The following SLC9A5 variants were observed in gnomAD, a reference collection of about 807,000 sequenced individuals.
SLC9A5 encodes the protein sodium/hydrogen exchanger 5.
A neutral mutation model predicts 91.7 loss-of-function variants in SLC9A5; 52 were observed. That is an observed-to-expected ratio of 0.57 (90% CI 0.45 to 0.71). The LOEUF (loss-of-function observed/expected upper bound fraction) is 0.71, where lower values mean the gene tolerates loss of function less well. SLC9A5 is among the 30% of genes least tolerant of loss of function. The pLI, the probability that SLC9A5 is intolerant of heterozygous loss-of-function variation, is 0.00. For missense variants in SLC9A5, 871 were observed against 1,158.9 expected, an observed-to-expected ratio of 0.75 and a Z score of 3.61; for synonymous variants, 419 against 474.5, an observed-to-expected ratio of 0.88 and a Z score of 1.52.
chr16:67,252,951 C>A lies in SLC9A5; in HGVS notation c.490+107C>A. ...TGAGCCATGCCCTGAAAGCTCCATC[C>A]TAGGTCCCTCCCTCTGGAGTGCAAG... On this transcript the variant is annotated intron_variant, in intron 2 of 15. Transcript: ENST00000299798. This position sits in a 1 kb window ranked among gnomAD's most constrained non-coding sequence, Gnocchi z 4.0. 9.6e-7 allele frequency: 1 copy of A among 1,040,090 alleles called. No individual in the cohort carries two copies. Among genetic ancestry groups the A allele is most frequent in the Admixed American group, 2.6e-5 (1 of 38,402 alleles). The allele number at this position is 1,040,090 out of a possible 1,614,324, so 64.4% of individuals were successfully genotyped here.
intron 1 of SLC9A5, among the ~76,000 whole-genome samples, chr16:67,251,346 A>G (rs942222028): frequency 2.6e-5 from 4 of 151,246 alleles, no homozygotes; most frequent in Non-Finnish European, 5.9e-5. Context: ...TATAATAGGT[A>G]ACATTTATTG....
In SLC9A5 at chr16:67,256,394, C is replaced by T; in HGVS notation, c.912-75C>T. The T allele has an allele frequency of 3.0e-6, 3 of 996,052 alleles. No individual in the cohort carries two copies. In the South Asian group the frequency reaches 3.9e-5, roughly 13 times the overall value. The allele number at this position is 996,052 out of a possible 1,614,324, so 61.7% of individuals were successfully genotyped here. On this transcript the variant is annotated intron_variant, in intron 5 of 15. Coordinates refer to ENST00000299798, the MANE Select transcript of SLC9A5 (RefSeq NM_004594.3). The surrounding 1 kb of genome is among the most constrained non-coding windows in gnomAD (Gnocchi z 4.1). ...CTGTAATGGGCAATGCCCCCTCCTG[C>T]AGTATGCTCAAACCCTGGAGGCTGA...
At chr16:67,250,348 C>T (rs1567404225) in intron 1 of SLC9A5, among the ~76,000 whole-genome samples, 1 of 152,064 alleles carries the variant, frequency 6.6e-6, no homozygotes, top group Middle Eastern at 3.4e-3. Context: ...ATAGGGTCCC[C>T]GAAGGAGAGA....
chr16:67,250,931 A>C (rs1487138185), intron 1 of SLC9A5, among the ~76,000 whole-genome samples: 5 of 152,198 alleles, frequency 3.3e-5, no homozygotes, highest in African/African-American at 4.8e-5. Context: ...CAAAAGTAGG[A>C]GTGGCTATAG....
At chr16:67,249,699 G>C (rs1011341130) in intron 1 of SLC9A5, among the ~76,000 whole-genome samples, 3 of 152,098 alleles carry the variant, frequency 2.0e-5, no homozygotes, top group Non-Finnish European at 2.9e-5. Flanking sequence ...TTTTCCTCCA[G>C]CTCTCCCCTG....
chr16:67,259,503 C>CT (rs1195882738), intron 10 of SLC9A5, 70 bp from the exon 11 acceptor site: 1 of 1,087,734 alleles, frequency 9.2e-7, no homozygotes, highest in East Asian at 2.4e-5. Context: ...TTATTATTTT[C>CT]TTTATTACCC....
rs905412674 is a variant in SLC9A5, at chr16:67,271,605, G to T, written c.*395G>T. ...TCTTCAGTGGATGCCAGCCTTCCCTGCCCCAACTCCCTCCCCAGCACTGGG... is the reference window on the plus strand; with the variant it reads ...TCTTCAGTGGATGCCAGCCTTCCCTTCCCCAACTCCCTCCCCAGCACTGGG... On this transcript the variant is annotated 3_prime_UTR_variant, in exon 16 of 16. Transcript: ENST00000299798. 4.2e-5 allele frequency: 9 copies of T among 213,412 alleles called. No individual in the cohort carries two copies. Among genetic ancestry groups the T allele is most frequent in the Non-Finnish European group, 6.7e-5 (7 of 104,718 alleles). The allele number at this position is 213,412 out of a possible 1,614,324, so 13.2% of individuals were successfully genotyped here.
At chr16:67,251,459 G>C (rs1488260366) in intron 1 of SLC9A5, among the ~76,000 whole-genome samples, 2 of 133,582 alleles carry the variant, frequency 1.5e-5, no homozygotes, top group African/African-American at 6.1e-5. Context: ...TGTCACCCAG[G>C]CTGGAGTACA....
In SLC9A5 at chr16:67,257,721, C is replaced by A; in HGVS notation, c.1496+120C>A. 9.9e-7 allele frequency: 1 copy of A among 1,011,850 alleles called. No homozygotes were observed. The highest frequency in any genetic ancestry group is 1.5e-6 in the Non-Finnish European group (1 of 662,108). The allele number at this position is 1,011,850 out of a possible 1,614,324, so 62.7% of individuals were successfully genotyped here. On this transcript the variant is annotated intron_variant, in intron 9 of 15. Coordinates refer to ENST00000299798, the MANE Select transcript of SLC9A5 (RefSeq NM_004594.3). The surrounding 1 kb of genome is among the most constrained non-coding windows in gnomAD (Gnocchi z 5.1). ...CAGGTTCAGGCTGGGTGACCTCTGC[C>A]TGAAGCCCTTCAGTGGCATCCCAGT...
rs1483477572 is a variant in SLC9A5, at chr16:67,266,369, C to A, written c.2218+144C>A. 8.7e-6 allele frequency: 7 copies of A among 808,132 alleles called. No homozygotes were observed. The Admixed American group carries it at 1.2e-4, about 14-fold the overall frequency. 50.1% of individuals were successfully genotyped at this position (808,132 alleles called of 1,614,324 possible). ...GCATTTGCAGAGCCTCTTCTTCATA[C>A]CAGATGCCCGACATAGGTAATATTC... On this transcript the variant is annotated intron_variant, in intron 15 of 15. Coordinates refer to ENST00000299798, the MANE Select transcript of SLC9A5 (RefSeq NM_004594.3).
At position 67,266,105 on chromosome 16, in the gene SLC9A5, G is replaced by A. The variant is rs367947198; in HGVS notation, c.2098G>A (p.Val700Met). 1.2e-5 allele frequency: 19 copies of A among 1,611,452 alleles called. No individual in the cohort carries two copies. The highest frequency in any genetic ancestry group is 6.7e-5 in the East Asian group (3 of 44,622). The change falls in exon 15 of 16, where the codon GTG becomes ATG. Residue 700 changes from valine to methionine, a missense_variant. By Grantham distance (21) the Val-to-Met change is conservative (BLOSUM62 1). Coordinates refer to ENST00000299798, the MANE Select transcript of SLC9A5 (RefSeq NM_004594.3). ...FQDTAAVILT[V>M]ESEEEEEESD... ...CTGTCCAGCTGCTGTGATATTAACC[G>A]TGGAGTCTGAGGAGGAGGAGGAGGA...
At chr16:67,260,270 G>A (rs955143589) in intron 12 of SLC9A5, among the ~76,000 whole-genome samples, 6 of 148,688 alleles carry the variant, frequency 4.0e-5, no homozygotes, top group East Asian at 2.0e-4. Flanking sequence ...CAGGAAAATC[G>A]CTTGAACCCG....
intron 1 of SLC9A5, among the ~76,000 whole-genome samples, chr16:67,250,777 C>T (rs2035084165): frequency 6.6e-6 from 1 of 152,108 alleles, no homozygotes. Flanking sequence ...GTACAGCTTC[C>T]AAAGGGCACT....
chr16:67,252,747 C>T lies in SLC9A5; in HGVS notation c.393C>T (p.Asn131=), dbSNP rs558149011. 1.9e-6 allele frequency: 3 copies of T among 1,614,186 alleles called. No homozygotes were observed. Among genetic ancestry groups the T allele is most frequent in the Admixed American group, 3.3e-5 (2 of 60,026 alleles). The change falls in exon 2 of 16, where the codon AAC becomes AAT. Residue 131 remains asparagine, a synonymous_variant. Coordinates refer to ENST00000299798, the MANE Select transcript of SLC9A5 (RefSeq NM_004594.3). The surrounding 1 kb of genome is among the most constrained non-coding windows in gnomAD (Gnocchi z 4.0). Reference sequence around the variant, plus strand: ...TGCCTAGCAGGCTGTTCTTTGACAACTTGGGTGCCATCCTCACCTATGCCG... The same window carrying T: ...TGCCTAGCAGGCTGTTCTTTGACAATTTGGGTGCCATCCTCACCTATGCCG... ...YFMPSRLFFD[N]LGAILTYAVV... is the part of the protein sequence containing the mutation.
rs901176634 is a variant in SLC9A5 at position 67,249,020 on chromosome 16, G to C, written c.6G>C (p.Leu2=). The C allele has an allele frequency of 2.2e-6, 3 of 1,393,314 alleles. No individual in the cohort carries two copies. Among genetic ancestry groups the C allele is most frequent in the Non-Finnish European group, 2.8e-6 (3 of 1,071,958 alleles). The allele number at this position is 1,393,314 out of a possible 1,614,324, so 86.3% of individuals were successfully genotyped here. A position where few individuals can be genotyped will look rare whatever the true frequency, so the allele number is the denominator to read the frequency against. ...GCGGCTGGGCAGGCGGCAGGATGCT[G>C]CGCGCCGCCCTGTCCCTGCTCGCGC... The part of the protein sequence containing the change: M[L]RAALSLLALP... Residue 2 remains leucine (L), a synonymous_variant, in exon 1 of 16, where the codon CTG becomes CTC. Transcript: ENST00000299798.
Position 67,256,554 on chromosome 16 carries a change from A to T in SLC9A5, c.997A>T (p.Lys333Ter). 1 of 1,614,042 alleles carries T rather than the reference A, an allele frequency of 6.2e-7. No homozygotes were observed. Among genetic ancestry groups the T allele is most frequent in the Non-Finnish European group, 8.5e-7 (1 of 1,179,962 alleles). Reference protein sequence around the residue: ...KSRTTVKYTMKTLASCAETVI... With the variant: ...KSRTTVKYTM ...ACGCACAACTGTCAAATATACAATG[A>T]AGACTCTAGCCAGCTGTGCTGAGAC... Residue 333 changes from lysine to a stop codon, truncating the protein, a stop_gained, in exon 6 of 16, where the codon AAG becomes TAG. Coordinates refer to ENST00000299798, the MANE Select transcript of SLC9A5 (RefSeq NM_004594.3). LOFTEE classifies it high-confidence loss of function. The surrounding 1 kb of genome is among the most constrained non-coding windows in gnomAD (Gnocchi z 4.1).
In SLC9A5 at chr16:67,255,336, C is replaced by T. The variant is rs1184045038; in HGVS notation, c.655-57C>T. The stretch of plus-strand genomic sequence containing the variant: ...CCTGCTCTCCCAGCAGTCTGTCTCC[C>T]AGCAGTCCCAGTTGCTGCCTTCCCG... On this transcript the variant is annotated intron_variant, in intron 3 of 15. Transcript: ENST00000299798. The surrounding 1 kb of genome is among the most constrained non-coding windows in gnomAD (Gnocchi z 4.9). The T allele has an allele frequency of 3.2e-6, 5 of 1,558,584 alleles. No individual in the cohort carries two copies. Among genetic ancestry groups the T allele is most frequent in the Admixed American group, 1.7e-5 (1 of 59,440 alleles).
At chr16:67,268,693 TATATATATATATATA>T (rs2035816171) in intron 15 of SLC9A5, among the ~76,000 whole-genome samples, 12 of 96,624 alleles carry the variant, frequency 1.2e-4, no homozygotes, top group African/African-American at 4.3e-4. Flanking sequence ...TATATATATA[TATATATATATATATA>T]TATTTTTACA....
At chr16:67,259,729 T>A (rs1275833356) in intron 11 of SLC9A5, 68 bp downstream of exon 11, 1 of 1,592,984 alleles carries the variant, frequency 6.3e-7, no homozygotes, top group Non-Finnish European at 8.6e-7. Context: ...GAGTCCCTTC[T>A]GGGGGAGATT....
Sources: gnomAD v4.1 joint callset for allele counts (sites outside exome capture counted in the v4.1 genomes callset) on GRCh38, gnomAD v4.1.1 for gene constraint, Gnocchi (gnomAD v3.1) non-coding constraint, MANE v1.5 for transcripts, NCBI Gene and HGNC (gene_info 2026-07-23, HGNC 2026-07-21) for gene names.